GPC6: variants seen among roughly 807,000 people sequenced by gnomAD.
GPC6 encodes the protein glypican 6, also known as glypican-6.
Under a neutral mutation model 55.2 loss-of-function variants are expected in GPC6, and 14 were observed. The observed-to-expected ratio is 0.25, with a 90% confidence interval of 0.17 to 0.40. The LOEUF is 0.40. Ranked by LOEUF, GPC6 falls within the 10% of genes least tolerant of loss-of-function variation. GPC6 has a pLI of 1.00. For missense variants in GPC6, 641 were observed against 708.5 expected, an observed-to-expected ratio of 0.90 and a Z score of 1.08; for synonymous variants, 278 against 259.6, an observed-to-expected ratio of 1.07 and a Z score of -0.68.
chr13:94,131,992 C>T (rs1375528579), intron 4 of GPC6, among the ~76,000 whole-genome samples: 2 of 152,186 alleles, frequency 1.3e-5, no homozygotes, highest in African/African-American at 4.8e-5. Flanking sequence ...TTCTCAGACA[C>T]TTCAGTAAAG....
chr13:94,224,665 G>C (rs1258688844), intron 4 of GPC6, among the ~76,000 whole-genome samples: 3 of 152,080 alleles, frequency 2.0e-5, no homozygotes. Context: ...TGGTGGAGAA[G>C]GACTCTCTGT....
At chr13:94,134,204 T>TA (rs1297540385) in intron 4 of GPC6, among the ~76,000 whole-genome samples, 2 of 152,214 alleles carry the variant, frequency 1.3e-5, no homozygotes, top group African/African-American at 4.8e-5. Context: ...TAAATTTAGT[T>TA]AAAGGCTGTG....
chr13:93,883,771 GC>G (rs1397664546), intron 3 of GPC6, among the ~76,000 whole-genome samples: 3 of 151,924 alleles, frequency 2.0e-5, no homozygotes, highest in African/African-American at 7.2e-5. Context: ...GGTGACTGTG[GC>G]TTAGATTCAT....
At chr13:93,280,963 G>T (rs913169718) in intron 1 of GPC6, among the ~76,000 whole-genome samples, 1 of 152,168 alleles carries the variant, frequency 6.6e-6, no homozygotes, top group Admixed American at 6.5e-5. Flanking sequence ...CTCACCTCCG[G>T]CTGTGTGGCC....
intron 1 of GPC6, among the ~76,000 whole-genome samples, chr13:93,504,334 C>T (rs998173111): frequency 3.9e-5 from 6 of 151,994 alleles, no homozygotes; most frequent in Non-Finnish European, 2.9e-5. Flanking sequence ...AAATATTGAA[C>T]AGGACATACT....
intron 1 of GPC6, among the ~76,000 whole-genome samples, chr13:93,273,679 G>C (rs1481425954): frequency 3.3e-5 from 5 of 151,928 alleles, no homozygotes; most frequent in African/African-American, 1.2e-4. Flanking sequence ...AAACAAACAA[G>C]TACTGTACAT....
At chr13:94,376,771 G>A (rs1222331410) in intron 6 of GPC6, among the ~76,000 whole-genome samples, 1 of 152,136 alleles carries the variant, frequency 6.6e-6, no homozygotes, top group Admixed American at 6.5e-5. Flanking sequence ...AACAAAGCTG[G>A]AGACATCACA....
In GPC6 at chr13:93,689,298, A is replaced by C. The variant is rs146354297; in HGVS notation, c.320-140856A>C. ...TCCACAAAACTTTATTTGAGTGACTATGATTTACTACTTCTCAGATATGTT... is the reference window on the plus strand; with the variant it reads ...TCCACAAAACTTTATTTGAGTGACTCTGATTTACTACTTCTCAGATATGTT... On this transcript the variant is annotated intron_variant, in intron 2 of 8. Transcript: ENST00000377047. 2.6e-3 allele frequency among the ~76,000 whole-genome samples: 398 copies of C among 152,240 alleles called. 2 individuals carry two copies. The highest frequency in any genetic ancestry group is 9.4e-3 in the African/African-American group (391 of 41,582).
chr13:93,903,443 A>T (rs558828050), intron 3 of GPC6, among the ~76,000 whole-genome samples: 1 of 152,138 alleles, frequency 6.6e-6, no homozygotes, highest in African/African-American at 2.4e-5. Flanking sequence ...TATCCATCCA[A>T]CTTCTTGCAG....
At chr13:93,780,258 C>CA (rs1427626959) in intron 2 of GPC6, among the ~76,000 whole-genome samples, 3 of 149,680 alleles carry the variant, frequency 2.0e-5, no homozygotes, top group Non-Finnish European at 4.5e-5. Flanking sequence ...TATTGAAAAC[C>CA]AAAAAAAATT....
At chr13:94,341,546 C>G (rs1430837678) in intron 6 of GPC6, among the ~76,000 whole-genome samples, 2 of 149,018 alleles carry the variant, frequency 1.3e-5, no homozygotes, top group East Asian at 4.0e-4. Flanking sequence ...GATCACACCA[C>G]TGCACTCCAG....
intron 4 of GPC6, among the ~76,000 whole-genome samples, chr13:94,255,483 G>A (rs1309597887): frequency 6.6e-6 from 1 of 152,142 alleles, no homozygotes; most frequent in Non-Finnish European, 1.5e-5. Context: ...TGTGTGGAAG[G>A]ACTTGAGGGA....
intron 6 of GPC6, among the ~76,000 whole-genome samples, chr13:94,357,992 C>T (rs1878877158): frequency 1.3e-5 from 2 of 152,192 alleles, no homozygotes; most frequent in South Asian, 4.1e-4. Flanking sequence ...TGCATGAACA[C>T]ATGCAGCGAT....
chr13:94,066,246 G>A (rs1384249965), intron 4 of GPC6, among the ~76,000 whole-genome samples: 2 of 152,072 alleles, frequency 1.3e-5, no homozygotes, highest in Admixed American at 1.3e-4. Flanking sequence ...GATTTGTACA[G>A]CCTTATTATC....
chr13:93,333,539 T>TTC (rs1879931519), intron 1 of GPC6, among the ~76,000 whole-genome samples: 1 of 151,398 alleles, frequency 6.6e-6, no homozygotes, highest in South Asian at 2.1e-4. Flanking sequence ...GAATTTTTTT[T>TTC]TTTTTTTTTT....
intron 1 of GPC6, among the ~76,000 whole-genome samples, chr13:93,473,174 C>A (rs1341514565): frequency 6.6e-6 from 1 of 152,190 alleles, no homozygotes; most frequent in Admixed American, 6.5e-5. Context: ...TCACCAGGGA[C>A]CTGCCCCCTT....
chr13:93,874,121 C>G (rs1889217427), intron 3 of GPC6, among the ~76,000 whole-genome samples: 1 of 151,906 alleles, frequency 6.6e-6, no homozygotes, highest in Admixed American at 6.6e-5. Context: ...ACTCATGTCA[C>G]AGGGGCTTGT....
At position 93,731,477 on chromosome 13, in the gene GPC6, A is replaced by G. The variant is rs145952005; in HGVS notation, c.320-98677A>G. On this transcript the variant is annotated intron_variant, in intron 2 of 8. Transcript: ENST00000377047. ...TGCTGGAAATTAGCTTGGTGGTTCTATCTCCTTCACAAACCCACCATTGTG... is the reference window on the plus strand; with the variant it reads ...TGCTGGAAATTAGCTTGGTGGTTCTGTCTCCTTCACAAACCCACCATTGTG... 4.4e-3 allele frequency among the ~76,000 whole-genome samples: 663 copies of G among 152,294 alleles called. 2 individuals carry two copies. The highest frequency in any genetic ancestry group is 0.015 in the African/African-American group (629 of 41,564).
intron 4 of GPC6, among the ~76,000 whole-genome samples, chr13:94,103,077 C>G (rs879422644): frequency 2.0e-5 from 3 of 152,172 alleles, no homozygotes; most frequent in Non-Finnish European, 4.4e-5. Context: ...TGATGTTCCC[C>G]TCCCTGTGTC....
Sources: gnomAD v4.1 joint callset for allele counts (sites outside exome capture counted in the v4.1 genomes callset) on GRCh38, gnomAD v4.1.1 for gene constraint, MANE v1.5 for transcripts, NCBI Gene and HGNC (gene_info 2026-07-23, HGNC 2026-07-21) for gene names.